PNPLA8: variants seen among roughly 807,000 people sequenced by gnomAD.
PNPLA8 encodes calcium-independent phospholipase A2-gamma.
Under a neutral mutation model 76.9 loss-of-function variants are expected in PNPLA8, and 39 were observed. That is an observed-to-expected ratio of 0.51 (90% confidence interval 0.39 to 0.66). The LOEUF (loss-of-function observed/expected upper bound fraction) is 0.66. Ranked by LOEUF, PNPLA8 falls within the 30% of genes least tolerant of loss-of-function variation. The probability of loss-of-function intolerance (pLI) is 0.00; values close to 1 mark genes in which losing one functional copy is unlikely to be tolerated. For synonymous variants in PNPLA8, 301 were observed against 307.9 expected (o/e 0.98, Z 0.24); for missense variants, 887 against 918.0 (o/e 0.97, Z 0.44).
chr7:108,499,054 T>C (rs1861760774), intron 5 of PNPLA8, among the ~76,000 whole-genome samples: 1 of 152,216 alleles, frequency 6.6e-6, no homozygotes, highest in Admixed American at 6.5e-5. Flanking sequence ...TAAGATATCT[T>C]ATGAAAGAGG....
chr7:108,516,119 A>G (rs1353348137), intron 2 of PNPLA8, among the ~76,000 whole-genome samples: 4 of 152,256 alleles, frequency 2.6e-5, no homozygotes, highest in Non-Finnish European at 5.9e-5. Flanking sequence ...TACCTAAGTA[A>G]TAAGTGCTCA....
intron 9 of PNPLA8, among the ~76,000 whole-genome samples, chr7:108,483,317 A>G (rs564615278): frequency 6.6e-6 from 1 of 152,292 alleles, no homozygotes; most frequent in South Asian, 2.1e-4. Flanking sequence ...TACCCTTGAG[A>G]TAACTGGGAT....
Position 108,472,585 on chromosome 7 carries a change from C to T in PNPLA8, c.2165G>A (p.Ser722Asn), listed in dbSNP as rs1859698320. 6.2e-7 allele frequency: 1 copy of T among 1,612,824 alleles called. No homozygotes were observed. The highest frequency in any genetic ancestry group is 1.3e-5 in the African/African-American group (1 of 74,798). The change falls in exon 11 of 11, where the codon AGT (serine) becomes AAT (asparagine). Residue 722 changes from serine to asparagine, a missense_variant. By Grantham distance (46) the Ser-to-Asn change is conservative. Coordinates refer to ENST00000257694, the MANE Select transcript of PNPLA8 (RefSeq NM_001256007.3). ...VMCENIPLDESRNEKLDQLQL... is the reference protein window; with the variant it reads ...VMCENIPLDENRNEKLDQLQL... ...CAGCTGATCCAGCTTTTCATTTCGACTTTCATCTAGAGGTATGTTTTCACA... is the reference window on the plus strand; with the variant it reads ...CAGCTGATCCAGCTTTTCATTTCGATTTTCATCTAGAGGTATGTTTTCACA...
intron 6 of PNPLA8, among the ~76,000 whole-genome samples, chr7:108,497,274 A>G (rs973433038): frequency 2.0e-5 from 3 of 152,192 alleles, no homozygotes; most frequent in Non-Finnish European, 4.4e-5. Flanking sequence ...AGCTGATTCC[A>G]TATCTAGCTA....
intron 5 of PNPLA8, among the ~76,000 whole-genome samples, chr7:108,500,725 C>T (rs1001929481): frequency 9.2e-5 from 14 of 152,178 alleles, no homozygotes; most frequent in African/African-American, 3.4e-4. Flanking sequence ...GCCTTGCCAA[C>T]ATGGTGAAAC....
chr7:108,490,436 G>A (rs1228849346), intron 8 of PNPLA8, among the ~76,000 whole-genome samples: 1 of 152,200 alleles, frequency 6.6e-6, no homozygotes, highest in African/African-American at 2.4e-5. Context: ...CTATCATTAA[G>A]TGATGCATGA....
At chr7:108,497,930 G>A (rs1353726357) in intron 5 of PNPLA8, among the ~76,000 whole-genome samples, 1 of 150,140 alleles carries the variant, frequency 6.7e-6, no homozygotes, top group Non-Finnish European at 1.5e-5. Flanking sequence ...TTGGGAGGTT[G>A]AGGTAAGAGG....
chr7:108,519,355 A>AC (rs1252827358), intron 2 of PNPLA8, among the ~76,000 whole-genome samples: 4 of 152,124 alleles, frequency 2.6e-5, no homozygotes, highest in Non-Finnish European at 5.9e-5. Context: ...AGCCACAGAG[A>AC]CCCCATCTCT....
intron 4 of PNPLA8, chr7:108,502,916 G>A: frequency 4.4e-6 from 1 of 225,904 alleles, no homozygotes; most frequent in Non-Finnish European, 8.5e-6. Flanking sequence ...ATAATTTATA[G>A]AAATTTACAA....
chr7:108,514,830 AT>A lies in PNPLA8; in HGVS notation c.661del (p.Met221CysfsTer21). The stretch of plus-strand genomic sequence containing the variant: ...ATGTTCATTTTCCTTTTGTTGAGAC[AT>A]TTTTTCCTTACGTTTGAAATATGAA... ...INSYFKRKEK[M>X]SQQKENEHFR... is the part of the protein sequence containing the mutation. On this transcript the variant is annotated frameshift_variant, in exon 3 of 11. Transcript: ENST00000257694. LOFTEE classifies it high-confidence loss of function. 3 of 1,613,032 alleles carry A rather than the reference AT, an allele frequency of 1.9e-6. No homozygotes were observed. The highest frequency in any genetic ancestry group is 2.7e-5 in the African/African-American group (2 of 74,978).
intron 8 of PNPLA8, among the ~76,000 whole-genome samples, chr7:108,490,655 C>G (rs895949957): frequency 1.1e-4 from 17 of 151,704 alleles, no homozygotes; most frequent in Admixed American, 4.6e-4. Context: ...GTGGTGGCGG[C>G]TGCCTATAGT....
At chr7:108,478,324 G>C (rs962893707) in intron 10 of PNPLA8, among the ~76,000 whole-genome samples, 1 of 152,078 alleles carries the variant, frequency 6.6e-6, no homozygotes, top group Non-Finnish European at 1.5e-5. Context: ...TCCGGTGGTT[G>C]GACACACTGT....
At chr7:108,509,995 G>A (rs40865) in intron 4 of PNPLA8, among the ~76,000 whole-genome samples, 25 of 137,210 alleles carry the variant, frequency 1.8e-4, no homozygotes, top group African/African-American at 6.1e-4. Context: ...CACGGACACA[G>A]GAAGGGGAAT....
intron 10 of PNPLA8, among the ~76,000 whole-genome samples, chr7:108,475,330 C>T (rs535678057): frequency 6.6e-6 from 1 of 152,262 alleles, no homozygotes; most frequent in Non-Finnish European, 1.5e-5. Context: ...CCCCTCCCCG[C>T]CCCCATGTGC....
intron 9 of PNPLA8, among the ~76,000 whole-genome samples, chr7:108,481,314 C>G (rs968160443): frequency 2.0e-5 from 3 of 152,186 alleles, no homozygotes; most frequent in Admixed American, 1.3e-4. Context: ...GTCCATTTTG[C>G]GTTCCCACCA....
intron 2 of PNPLA8, among the ~76,000 whole-genome samples, chr7:108,518,738 T>TAC (rs1863524655): frequency 7.4e-6 from 1 of 135,156 alleles, no homozygotes. Flanking sequence ...TATATATATA[T>TAC]ATATATATAT....
At chr7:108,482,711 T>C (rs1860483952) in intron 9 of PNPLA8, among the ~76,000 whole-genome samples, 2 of 152,236 alleles carry the variant, frequency 1.3e-5, no homozygotes, top group African/African-American at 4.8e-5. Flanking sequence ...GTTTTCAACA[T>C]ACAGATTCCC....
chr7:108,491,535 C>T, intron 7 of PNPLA8, 68 bp from the exon 8 acceptor site: 1 of 962,550 alleles, frequency 1.0e-6, no homozygotes. Flanking sequence ...AGGAAACATA[C>T]AGTATGCAAT....
rs1030889351 is a variant in PNPLA8 at position 108,510,743 on chromosome 7, A to T, written c.1206+3401T>A. 5 of 1,601,510 alleles carry T rather than the reference A, an allele frequency of 3.1e-6. No individual in the cohort carries two copies. The Admixed American group carries it at 6.7e-5, about 21-fold the overall frequency. On this transcript the variant is annotated intron_variant, in intron 4 of 10. Transcript: ENST00000257694. ...TAAGAAGCGAATTGCTTTGACAGAT[A>T]ACGCTTTGATTGCTCGATCTCTTGG...
Sources: gnomAD v4.1 joint callset for allele counts (sites outside exome capture counted in the v4.1 genomes callset) on GRCh38, gnomAD v4.1.1 for gene constraint, MANE v1.5 for transcripts, NCBI Gene and HGNC (gene_info 2026-07-23, HGNC 2026-07-21) for gene names.